Variants in C12orf42 observed in about 807,000 individuals in gnomAD.
C12orf42 encodes the protein uncharacterized protein C12orf42.
C12orf42 carries 25 observed loss-of-function variants against 21.6 expected under a neutral mutation model. The ratio of observed to expected loss-of-function variants is 1.16; its 90% CI spans 0.84 to 1.62. C12orf42 has a LOEUF of 1.62. Ranked by LOEUF, C12orf42 falls within the 40% of genes most tolerant of loss-of-function variation. The pLI is 0.00. For synonymous variants in C12orf42, 174 were observed against 175.0 expected (o/e 0.99, Z 0.05); for missense variants, 483 against 459.3 (o/e 1.05, Z -0.47).
chr12:103,052,847 G>A, the C12orf42 span, among the ~76,000 whole-genome samples: 1 of 151,804 alleles, frequency 6.6e-6, no homozygotes, highest in Admixed American at 6.6e-5. Flanking sequence ...TGAAATAGGG[G>A]GTCAATATTT....
chr12:103,055,122 G>A, the C12orf42 span, among the ~76,000 whole-genome samples: 2 of 151,650 alleles, frequency 1.3e-5, no homozygotes, highest in Non-Finnish European at 3.0e-5. Context: ...CTATTTTCTG[G>A]AAGAAGTTCT....
At chr12:103,410,321 T>C (rs1356752845) in intron 2 of C12orf42, among the ~76,000 whole-genome samples, 1 of 152,216 alleles carries the variant, frequency 6.6e-6, no homozygotes, top group Non-Finnish European at 1.5e-5. Context: ...CCAATCAATT[T>C]AGGATCTTCA....
At chr12:103,491,205 G>A (rs1223917572) in intron 1 of C12orf42, among the ~76,000 whole-genome samples, 1 of 152,052 alleles carries the variant, frequency 6.6e-6, no homozygotes, top group Non-Finnish European at 1.5e-5. Context: ...CATAACTATT[G>A]TTCTAATCAG....
chr12:103,127,751 C>T, the C12orf42 span, among the ~76,000 whole-genome samples: 1 of 152,042 alleles, frequency 6.6e-6, no homozygotes, highest in South Asian at 2.1e-4. Context: ...ATTATCTGGA[C>T]CAAAATATTA....
At chr12:103,558,864 T>C in the C12orf42 span, 2 of 152,290 alleles carry the variant, frequency 1.3e-5, no homozygotes, top group African/African-American at 2.4e-5. Flanking sequence ...AAGTGTTATA[T>C]ACAGAGCCCT....
chr12:103,277,173 T>G (rs1412243518), exon 5 of C12orf42: 1 of 454,776 alleles, frequency 2.2e-6, no homozygotes. Context: ...GAACCATAGC[T>G]CCCTGTAATT....
chr12:103,097,906 G>C, the C12orf42 span, among the ~76,000 whole-genome samples: 1 of 152,190 alleles, frequency 6.6e-6, no homozygotes, highest in African/African-American at 2.4e-5. Flanking sequence ...CACGCTGTGG[G>C]GACTGCAAGC....
chr12:103,187,141 G>A, the C12orf42 span, among the ~76,000 whole-genome samples: 10 of 152,074 alleles, frequency 6.6e-5, no homozygotes, highest in African/African-American at 1.7e-4. Context: ...AACTCAAAAT[G>A]GGCAAGAATG....
intron 1 of C12orf42, among the ~76,000 whole-genome samples, chr12:103,492,052 G>C (rs1357140352): frequency 6.6e-6 from 1 of 152,176 alleles, no homozygotes; most frequent in Non-Finnish European, 1.5e-5. Context: ...TGCCTCCCAG[G>C]TTCAAGTGAT....
chr12:103,325,864 G>A (rs894908715), intron 4 of C12orf42, among the ~76,000 whole-genome samples: 8 of 152,098 alleles, frequency 5.3e-5, no homozygotes, highest in African/African-American at 1.7e-4. Flanking sequence ...TTAAAGCATG[G>A]AGAATGAGCA....
At chr12:103,099,624 C>T in the C12orf42 span, among the ~76,000 whole-genome samples, 1 of 152,174 alleles carries the variant, frequency 6.6e-6, no homozygotes, top group African/African-American at 2.4e-5. Flanking sequence ...GAAAGTATAA[C>T]ATCCAAGGAG....
intron 2 of C12orf42, among the ~76,000 whole-genome samples, chr12:103,456,681 A>G (rs1952318037): frequency 6.6e-6 from 1 of 152,210 alleles, no homozygotes. Flanking sequence ...TATATGTGGT[A>G]CTGTCTATAT....
the C12orf42 span, among the ~76,000 whole-genome samples, chr12:103,193,159 A>C: frequency 6.6e-6 from 1 of 152,136 alleles, no homozygotes; most frequent in African/African-American, 2.4e-5. Context: ...TCAAAGAATA[A>C]ATTTAAAAAA....
At chr12:103,385,118 A>G (rs12316066) in intron 3 of C12orf42, among the ~76,000 whole-genome samples, 2,238 of 152,082 alleles carry the variant, frequency 0.015, 59 homozygotes, top group African/African-American at 0.051. Flanking sequence ...ACGGTTTGAA[A>G]CCCCCAAATT....
the C12orf42 span, among the ~76,000 whole-genome samples, chr12:103,062,522 A>G: frequency 6.6e-6 from 1 of 151,940 alleles, no homozygotes; most frequent in Non-Finnish European, 1.5e-5. Flanking sequence ...TAGTAATGTT[A>G]TTTTAAATAT....
At chr12:103,464,648 T>C (rs1247598861) in intron 2 of C12orf42, among the ~76,000 whole-genome samples, 1 of 152,362 alleles carries the variant, frequency 6.6e-6, no homozygotes, top group South Asian at 2.1e-4. Context: ...CCAGTGCCTA[T>C]GTCCTGAATG....
chr12:103,430,367 C>A (rs1377257872), intron 2 of C12orf42, among the ~76,000 whole-genome samples: 1 of 152,200 alleles, frequency 6.6e-6, no homozygotes, highest in Non-Finnish European at 1.5e-5. Flanking sequence ...AAGAAAAGCT[C>A]ATCATCATTG....
chr12:103,138,994 T>C, the C12orf42 span, among the ~76,000 whole-genome samples: 1 of 152,228 alleles, frequency 6.6e-6, no homozygotes, highest in Non-Finnish European at 1.5e-5. Flanking sequence ...CATATAAGTT[T>C]ATCTGGTAGA....
At chr12:103,295,960 C>T (rs2037245581) in intron 4 of C12orf42, among the ~76,000 whole-genome samples, 1 of 151,256 alleles carries the variant, frequency 6.6e-6, no homozygotes, top group African/African-American at 2.4e-5. Flanking sequence ...GTGTGCTGCA[C>T]CCATTAACTC....
Sources: allele counts gnomAD v4.1 joint callset (sites outside exome capture counted in the v4.1 genomes callset), GRCh38; gene constraint gnomAD v4.1.1; transcripts MANE v1.5; gene names NCBI Gene and HGNC (gene_info 2026-07-23, HGNC 2026-07-21).